Variants in PRKCB observed in about 807,000 individuals in gnomAD.
PRKCB encodes the protein protein kinase C beta, also known as protein kinase C beta type.
A neutral mutation model predicts 81.5 loss-of-function variants in PRKCB; 13 were observed. The observed-to-expected ratio is 0.16, with a 90% CI of 0.10 to 0.25. The LOEUF is 0.25. Among genes scored for constraint, PRKCB ranks in the 10% least tolerant of loss-of-function variants. The probability of loss-of-function intolerance (pLI) is 1.00; values close to 1 mark genes in which losing one functional copy is unlikely to be tolerated. For synonymous variants in PRKCB, 335 were observed against 321.4 expected (o/e 1.04, Z -0.45); for missense variants, 509 against 875.7 (o/e 0.58, Z 5.29).
At chr16:24,124,591 T>A (rs1232606465) in intron 9 of PRKCB, among the ~76,000 whole-genome samples, 2 of 152,202 alleles carry the variant, frequency 1.3e-5, no homozygotes, top group Non-Finnish European at 2.9e-5. Flanking sequence ...CTGGGACTCA[T>A]ACAGTGTTTC....
chr16:23,907,466 A>G (rs1033776553), intron 2 of PRKCB, among the ~76,000 whole-genome samples: 1 of 152,196 alleles, frequency 6.6e-6, no homozygotes, highest in Non-Finnish European at 1.5e-5. Context: ...GGGTCTTACT[A>G]TGTTGCATAG....
intron 2 of PRKCB, among the ~76,000 whole-genome samples, chr16:23,965,759 A>G (rs974495842): frequency 6.6e-5 from 10 of 152,194 alleles, no homozygotes; most frequent in African/African-American, 1.9e-4. Flanking sequence ...GCCAAAGTGC[A>G]GCGCTGATGC....
intron 3 of PRKCB, among the ~76,000 whole-genome samples, chr16:24,003,279 C>G (rs1490073437): frequency 3.3e-5 from 5 of 152,096 alleles, no homozygotes; most frequent in Non-Finnish European, 7.4e-5. Flanking sequence ...CTTTGTCTTG[C>G]CTCATTTGCT....
intron 9 of PRKCB, among the ~76,000 whole-genome samples, chr16:24,141,161 C>T (rs992168166): frequency 3.9e-5 from 6 of 152,130 alleles, no homozygotes; most frequent in Non-Finnish European, 5.9e-5. Flanking sequence ...TGATATCCAA[C>T]CTGCTGTGAG....
At chr16:23,944,629 G>T (rs1283724871) in intron 2 of PRKCB, among the ~76,000 whole-genome samples, 2 of 152,178 alleles carry the variant, frequency 1.3e-5, no homozygotes, top group Non-Finnish European at 2.9e-5. Context: ...GTGCAGATGG[G>T]CCCCAGAGAG....
At chr16:23,921,635 T>C (rs1963826632) in intron 2 of PRKCB, among the ~76,000 whole-genome samples, 1 of 152,086 alleles carries the variant, frequency 6.6e-6, no homozygotes, top group African/African-American at 2.4e-5. Context: ...ACCCTGTTTC[T>C]ACTAAAAATA....
intron 3 of PRKCB, among the ~76,000 whole-genome samples, chr16:24,017,892 A>ATT (rs35809970): frequency 0.016 from 1,830 of 113,220 alleles, 39 homozygotes; most frequent in African/African-American, 0.036. Flanking sequence ...ACCATAACTA[A>ATT]TTTTTTTTTT....
At chr16:23,848,425 CACACCCTAAAGAG>C (rs948627971) in intron 2 of PRKCB, among the ~76,000 whole-genome samples, 2 of 152,128 alleles carry the variant, frequency 1.3e-5, no homozygotes, top group Non-Finnish European at 2.9e-5. Context: ...TGCTATTTTT[CACACCCTAAAGAG>C]ACATTTGGAA....
intron 2 of PRKCB, among the ~76,000 whole-genome samples, chr16:23,984,769 T>C (rs1964779903): frequency 1.3e-5 from 2 of 152,116 alleles, no homozygotes; most frequent in Admixed American, 1.3e-4. Flanking sequence ...CAAAAGTTTG[T>C]TTGAGTAGAG....
At chr16:23,940,154 C>T (rs1165539097) in intron 2 of PRKCB, among the ~76,000 whole-genome samples, 1 of 152,090 alleles carries the variant, frequency 6.6e-6, no homozygotes. Context: ...TGAGATATCA[C>T]TACAGATCAA....
chr16:24,168,645 G>T (rs1305299851), intron 10 of PRKCB, among the ~76,000 whole-genome samples: 2 of 143,198 alleles, frequency 1.4e-5, no homozygotes, highest in Non-Finnish European at 3.0e-5. Context: ...TGAACTCCTG[G>T]GCTCAAGCGA....
intron 2 of PRKCB, among the ~76,000 whole-genome samples, chr16:23,880,880 G>A (rs1849441313): frequency 6.6e-6 from 1 of 152,204 alleles, no homozygotes; most frequent in African/African-American, 2.4e-5. Flanking sequence ...GATGACATAA[G>A]AGACTATCTG....
chr16:24,110,539 C>T (rs1284514443), intron 7 of PRKCB, among the ~76,000 whole-genome samples: 4 of 108,702 alleles, frequency 3.7e-5, no homozygotes, highest in Non-Finnish European at 6.8e-5. Flanking sequence ...TTTTGAGAGA[C>T]AGGGTCTTGC....
intron 2 of PRKCB, among the ~76,000 whole-genome samples, chr16:23,917,447 A>G (rs1567313345): frequency 1.3e-5 from 2 of 152,126 alleles, no homozygotes; most frequent in Non-Finnish European, 2.9e-5. Flanking sequence ...CAAAATTGGG[A>G]TATATTGACT....
At chr16:23,965,418 T>C (rs567142958) in intron 2 of PRKCB, among the ~76,000 whole-genome samples, 1 of 152,362 alleles carries the variant, frequency 6.6e-6, no homozygotes, top group South Asian at 2.1e-4. Flanking sequence ...CGTTGATTTC[T>C]TGTCTTTGCT....
chr16:24,011,511 GTTTTGTTTTA>G (rs1271170640), intron 3 of PRKCB, among the ~76,000 whole-genome samples: 1 of 151,992 alleles, frequency 6.6e-6, no homozygotes, highest in Non-Finnish European at 1.5e-5. Flanking sequence ...TCATTGTTTT[GTTTTGTTTTA>G]TTTTGTTTTG....
chr16:23,866,168 G>A (rs3826259), intron 2 of PRKCB, among the ~76,000 whole-genome samples: 80,436 of 152,052 alleles, frequency 0.53, 21,531 homozygotes, highest in East Asian at 0.62. Context: ...TTACTAGACT[G>A]GCAAAAGCCA....
intron 5 of PRKCB, among the ~76,000 whole-genome samples, chr16:24,054,385 C>T (rs551333818): frequency 2.0e-4 from 30 of 152,282 alleles, no homozygotes; most frequent in Non-Finnish European, 3.8e-4. Context: ...TCATTTACTC[C>T]CTATGAGATG....
chr16:24,021,235 C>CT (rs1567347182), intron 3 of PRKCB, among the ~76,000 whole-genome samples: 441 of 15,014 alleles, frequency 0.029, 21 homozygotes, highest in African/African-American at 0.11. Context: ...TCTTTCTTTC[C>CT]TTCCTTCCTT....
Sources: allele counts gnomAD v4.1 joint callset (sites outside exome capture counted in the v4.1 genomes callset), GRCh38; gene constraint gnomAD v4.1.1; transcripts MANE v1.5; gene names NCBI Gene and HGNC (gene_info 2026-07-23, HGNC 2026-07-21).